The following TSHR variants were observed in gnomAD, a reference collection of about 807,000 sequenced individuals.
TSHR encodes the protein thyroid stimulating hormone receptor.
A neutral mutation model predicts 64.1 loss-of-function variants in TSHR; 51 were observed. The observed-to-expected ratio is 0.80, with a 90% CI of 0.64 to 1.01. The LOEUF is 1.01. Among genes scored for constraint, TSHR ranks in the 50% least tolerant of loss-of-function variants. The probability of loss-of-function intolerance (pLI) is 0.00; values close to 1 mark genes in which losing one functional copy is unlikely to be tolerated. For missense variants in TSHR, 877 were observed against 942.8 expected, an observed-to-expected ratio of 0.93 and a Z score of 0.91; for synonymous variants, 361 against 361.9, an observed-to-expected ratio of 1.00 and a Z score of 0.03.
chr14:81,112,155 C>G (rs186326812), intron 8 of TSHR, among the ~76,000 whole-genome samples: 1 of 152,180 alleles, frequency 6.6e-6, no homozygotes, highest in Non-Finnish European at 1.5e-5. Flanking sequence ...CCAGCCCCAT[C>G]ACTTACTAAC....
chr14:81,144,605 TAGAAGA>T lies in TSHR; in HGVS notation c.*253_*258del. 1 of 517,644 alleles carries T rather than the reference TAGAAGA, an allele frequency of 1.9e-6. No homozygotes were observed. The highest frequency in any genetic ancestry group is 3.4e-6 in the Non-Finnish European group (1 of 289,926). 32.1% of individuals were successfully genotyped at this position (517,644 alleles called of 1,614,324 possible). A position where few individuals can be genotyped will look rare whatever the true frequency, so the allele number is the denominator to read the frequency against. On this transcript the variant is annotated 3_prime_UTR_variant, in exon 10 of 10. Coordinates refer to ENST00000298171, the MANE Select transcript of TSHR (RefSeq NM_000369.5). ...TGAAATCAAAATAATCTACACTATC[TAGAAGA>T]CTTTCTTGATGCCAAGTCCAGAGAT...
rs1278605685 is a variant in TSHR, at chr14:81,062,163, T to C, written c.186T>C (p.Thr62=). 4 of 1,611,716 alleles carry C rather than the reference T, an allele frequency of 2.5e-6. No homozygotes were observed. In the Admixed American group the frequency reaches 5.0e-5, roughly 20 times the overall value. ...PSTQTLKLIE[T]HLRTIPSHAF... is the part of the protein sequence containing the mutation. ...ATTTTCACAGGAAGCTTATTGAGAC[T>C]CACCTGAGAACTATTCCAAGTCATG... Residue 62 remains threonine, a synonymous_variant, in exon 2 of 10, where the codon ACT becomes ACC. Transcript: ENST00000298171.
chr14:81,060,899 G>A (rs186899202), intron 1 of TSHR, among the ~76,000 whole-genome samples: 8 of 152,190 alleles, frequency 5.3e-5, no homozygotes, highest in Non-Finnish European at 8.8e-5. Context: ...AGTAAAGAGC[G>A]TAACTCAAAA....
intron 1 of TSHR, among the ~76,000 whole-genome samples, chr14:80,987,217 A>C (rs1888504305): frequency 6.6e-6 from 1 of 152,184 alleles, no homozygotes; most frequent in Non-Finnish European, 1.5e-5. Flanking sequence ...CCATTCCTGC[A>C]TTTATAAGCT....
intron 1 of TSHR, among the ~76,000 whole-genome samples, chr14:81,042,160 T>C (rs1004801381): frequency 3.9e-5 from 6 of 152,156 alleles, no homozygotes; most frequent in Non-Finnish European, 7.4e-5. Flanking sequence ...CTAGTATAGA[T>C]GTGGAGAAAA....
chr14:80,991,528 A>C (rs1171528316), intron 1 of TSHR: 1 of 398,390 alleles, frequency 2.5e-6, no homozygotes, highest in African/African-American at 2.1e-5. Flanking sequence ...TTCTTTCCAA[A>C]TTTTATTGTC....
intron 1 of TSHR, chr14:81,001,589 G>A (rs1889322931): frequency 1.9e-6 from 1 of 525,412 alleles, no homozygotes; most frequent in Admixed American, 1.9e-5. Flanking sequence ...GCTTGGCCTG[G>A]GCACTACCAA....
In TSHR at chr14:81,143,053, A is replaced by T. The variant is rs2140108930; in HGVS notation, c.995A>T (p.Asp332Val). Reference sequence around the variant, plus strand: ...CAGGAATATGAAGAGAATCTGGGTGACAGCATTGTTGGGTACAAGGAAAAG... The same window carrying T: ...CAGGAATATGAAGAGAATCTGGGTGTCAGCATTGTTGGGTACAAGGAAAAG... ...LHQEYEENLGDSIVGYKEKSK... is the reference protein window; with the variant it reads ...LHQEYEENLGVSIVGYKEKSK... Residue 332 changes from aspartate (D) to valine (V), a missense_variant, in exon 10 of 10, where the codon GAC becomes GTC. Transcript: ENST00000298171. 5 of 1,614,206 alleles carry T rather than the reference A, an allele frequency of 3.1e-6. No homozygotes were observed. The highest frequency in any genetic ancestry group is 4.2e-6 in the Non-Finnish European group (5 of 1,180,036).
intron 3 of TSHR, among the ~76,000 whole-genome samples, chr14:81,084,347 T>A (rs1251240270): frequency 6.6e-6 from 1 of 150,536 alleles, no homozygotes; most frequent in Non-Finnish European, 1.5e-5. Flanking sequence ...TTTTGCATCC[T>A]CTTTATTACT....
intron 3 of TSHR, among the ~76,000 whole-genome samples, chr14:81,076,796 A>T (rs1887536311): frequency 6.6e-6 from 1 of 152,058 alleles, no homozygotes; most frequent in Non-Finnish European, 1.5e-5. Context: ...TTCCCAATTG[A>T]TTTCCTCTAA....
chr14:81,143,388 T>C lies in TSHR; in HGVS notation c.1330T>C (p.Tyr444His), dbSNP rs754118014. 2.5e-5 allele frequency: 40 copies of C among 1,614,072 alleles called. 1 individual carries two copies. Among genetic ancestry groups the C allele is most frequent in the Middle Eastern group, 3.3e-4 (2 of 6,084 alleles). Residue 444 changes from tyrosine to histidine, a missense_variant, in exon 10 of 10, where the codon TAC becomes CAC. Physicochemically the swap from Tyr to His is moderately conservative, Grantham distance 83 (BLOSUM62 2). Transcript: ENST00000298171. ...FVLLILLTSH[Y>H]KLNVPRFLMC... is the part of the protein sequence containing the mutation. Reference sequence around the variant, plus strand: ...CCTGCTTATTCTCCTCACCAGCCACTACAAACTGAACGTCCCCCGCTTTCT... The same window carrying C: ...CCTGCTTATTCTCCTCACCAGCCACCACAAACTGAACGTCCCCCGCTTTCT...
intron 1 of TSHR, among the ~76,000 whole-genome samples, chr14:81,041,302 A>G (rs1366597107): frequency 6.6e-6 from 1 of 152,208 alleles, no homozygotes; most frequent in African/African-American, 2.4e-5. Context: ...GGATAAAAAA[A>G]TGTGTTACAT....
intron 8 of TSHR, among the ~76,000 whole-genome samples, chr14:81,125,149 A>G (rs970714804): frequency 5.9e-5 from 9 of 152,204 alleles, no homozygotes; most frequent in African/African-American, 2.2e-4. Flanking sequence ...ATATTTAGAG[A>G]CTGAACATGC....
At chr14:80,980,418 C>T (rs1445502407) in intron 1 of TSHR, among the ~76,000 whole-genome samples, 2 of 152,218 alleles carry the variant, frequency 1.3e-5, no homozygotes, top group Admixed American at 6.5e-5. Context: ...AGCTCTGCCA[C>T]TATCCACTTT....
intron 1 of TSHR, among the ~76,000 whole-genome samples, chr14:81,046,732 T>A (rs1885185444): frequency 6.6e-6 from 1 of 151,990 alleles, no homozygotes; most frequent in Non-Finnish European, 1.5e-5. Context: ...TCAGGAAGAA[T>A]AAATATAAAG....
intron 1 of TSHR, chr14:81,032,435 G>A (rs2268469): frequency 2.8e-5 from 8 of 284,468 alleles, no homozygotes; most frequent in Admixed American, 7.7e-5. Flanking sequence ...CGCCTACCTT[G>A]CAAGACACTT....
intron 1 of TSHR, among the ~76,000 whole-genome samples, chr14:80,997,788 C>A (rs1332431743): frequency 1.3e-5 from 2 of 152,172 alleles, no homozygotes; most frequent in African/African-American, 4.8e-5. Context: ...TGACTTCTGG[C>A]AAAATTACAG....
intron 9 of TSHR, among the ~76,000 whole-genome samples, chr14:81,142,606 CTTTTTTT>C (rs10711545): frequency 1.0e-5 from 1 of 97,244 alleles, no homozygotes. Context: ...AACAAGCATT[CTTTTTTT>C]TTTTTTTTTT....
At chr14:80,961,106 C>T (rs1473046194) in intron 1 of TSHR, among the ~76,000 whole-genome samples, 2 of 152,232 alleles carry the variant, frequency 1.3e-5, no homozygotes, top group East Asian at 1.9e-4. Flanking sequence ...GAACTGGGTC[C>T]TTCTAATATT....
Sources: allele counts gnomAD v4.1 joint callset (sites outside exome capture counted in the v4.1 genomes callset), GRCh38; gene constraint gnomAD v4.1.1; transcripts MANE v1.5; gene names NCBI Gene and HGNC (gene_info 2026-07-23, HGNC 2026-07-21).